VGLL4: variants seen among roughly 807,000 people sequenced by gnomAD.
VGLL4 encodes transcription cofactor vestigial-like protein 4.
In VGLL4, 7 loss-of-function variants were observed where a neutral mutation model predicts 21.0. The ratio of observed to expected loss-of-function variants is 0.33; its 90% confidence interval spans 0.19 to 0.63. The LOEUF (loss-of-function observed/expected upper bound fraction) is 0.63, where lower values mean the gene tolerates loss of function less well. Ranked by LOEUF, VGLL4 falls within the 20% of genes least tolerant of loss-of-function variation. The probability of loss-of-function intolerance (pLI) is 0.78; values close to 1 mark genes in which losing one functional copy is unlikely to be tolerated. For synonymous variants in VGLL4, 222 were observed against 173.2 expected (o/e 1.28, Z -2.21); for missense variants, 394 against 425.7 (o/e 0.93, Z 0.66).
intron 2 of VGLL4, among the ~76,000 whole-genome samples, chr3:11,660,030 T>C (rs1179498059): frequency 6.6e-6 from 1 of 151,890 alleles, no homozygotes; most frequent in African/African-American, 2.4e-5. Context: ...GGCGTGGTGG[T>C]GGGCACCTGT....
At chr3:11,570,880 C>A (rs1333694544) in intron 2 of VGLL4, among the ~76,000 whole-genome samples, 1 of 152,188 alleles carries the variant, frequency 6.6e-6, no homozygotes, top group African/African-American at 2.4e-5. Context: ...TGGCTTCTCT[C>A]CCCTTGTGAG....
intron 2 of VGLL4, among the ~76,000 whole-genome samples, chr3:11,580,356 T>C (rs2074190633): frequency 6.6e-6 from 1 of 152,236 alleles, no homozygotes; most frequent in Admixed American, 6.5e-5. Context: ...TAATATTCCA[T>C]TGTGTGTACA....
intron 2 of VGLL4, among the ~76,000 whole-genome samples, chr3:11,665,304 G>A (rs1420219445): frequency 1.3e-5 from 2 of 151,544 alleles, no homozygotes; most frequent in Non-Finnish European, 2.9e-5. Flanking sequence ...TAGTAGAGAC[G>A]GGGTTTCACC....
chr3:11,617,192 G>A (rs1337694630), intron 1 of VGLL4, among the ~76,000 whole-genome samples: 1 of 152,166 alleles, frequency 6.6e-6, no homozygotes, highest in Non-Finnish European at 1.5e-5. Flanking sequence ...TGGACACTTA[G>A]AAATGATGGG....
chr3:11,564,891 C>A lies in VGLL4; in HGVS notation c.401G>T (p.Gly134Val). 1 of 1,607,928 alleles carries A rather than the reference C, an allele frequency of 6.2e-7. No individual in the cohort carries two copies. Among genetic ancestry groups the A allele is most frequent in the Non-Finnish European group, 8.5e-7 (1 of 1,177,828 alleles). Residue 134 changes from glycine to valine, a missense_variant, in exon 3 of 5, where the codon GGC becomes GTC. Gly to Val is a moderately radical substitution (Grantham distance 109). Coordinates refer to ENST00000430365, the MANE Select transcript of VGLL4 (RefSeq NM_001128219.3). Reference sequence around the variant, plus strand: ...GGTCAGTGCGAGGGGCTGCTCCAGGCCAAGGCTGGGGAGGGAGGTGTACAG... The same window carrying A: ...GGTCAGTGCGAGGGGCTGCTCCAGGACAAGGCTGGGGAGGGAGGTGTACAG... ...SHLYTSLPSL[G>V]LEQPLALTKN...
chr3:11,602,114 A>C (rs2074819502), intron 1 of VGLL4, 92 bp from the exon 2 acceptor site: 1 of 1,262,698 alleles, frequency 7.9e-7, no homozygotes, highest in South Asian at 1.9e-5. Flanking sequence ...AGCCCCTTAC[A>C]AAACTACTCC....
In VGLL4 at chr3:11,556,086, A is replaced by ATTATTGTTCTTAAGGCTACTTTT. The variant is rs1231509217; in HGVS notation, c.*2447_*2469dup. On this transcript the variant is annotated 3_prime_UTR_variant, in exon 5 of 5. Transcript: ENST00000430365. Reference sequence around the variant, plus strand: ...ACACTATGTGGTTTAAGAGCACTTTATTATTGTTCTTAAGGCTACTTTTAA... The same window carrying ATTATTGTTCTTAAGGCTACTTTT: ...ACACTATGTGGTTTAAGAGCACTTTATTATTGTTCTTAAGGCTACTTTTTTATTGTTCTTAAGGCTACTTTTAA... 1.3e-5 allele frequency: 2 copies of ATTATTGTTCTTAAGGCTACTTTT among 152,664 alleles called. No individual in the cohort carries two copies. Among genetic ancestry groups the ATTATTGTTCTTAAGGCTACTTTT allele is most frequent in the African/African-American group, 4.8e-5 (2 of 41,414 alleles). 9.5% of individuals were successfully genotyped at this position (152,664 alleles called of 1,614,324 possible). A position where few individuals can be genotyped will look rare whatever the true frequency, so the allele number is the denominator to read the frequency against.
intron 1 of VGLL4, among the ~76,000 whole-genome samples, chr3:11,707,985 G>A (rs1201690152): frequency 6.6e-6 from 1 of 152,162 alleles, no homozygotes; most frequent in African/African-American, 2.4e-5. Context: ...ATTAGATGGA[G>A]GATCACACCA....
intron 1 of VGLL4, among the ~76,000 whole-genome samples, chr3:11,630,248 G>C (rs2075447025): frequency 6.6e-6 from 1 of 152,072 alleles, no homozygotes; most frequent in Non-Finnish European, 1.5e-5. Context: ...ATTCCAATAA[G>C]TAATGAATTA....
At chr3:11,640,138 T>C (rs2075661896) in intron 1 of VGLL4, among the ~76,000 whole-genome samples, 1 of 152,176 alleles carries the variant, frequency 6.6e-6, no homozygotes, top group Non-Finnish European at 1.5e-5. Flanking sequence ...AGTATTAAAT[T>C]ATACAGGAGC....
At chr3:11,678,004 G>A (rs1475685654) in intron 2 of VGLL4, among the ~76,000 whole-genome samples, 3 of 151,770 alleles carry the variant, frequency 2.0e-5, no homozygotes, top group Non-Finnish European at 2.9e-5. Flanking sequence ...TAGCTTCAAC[G>A]GACGCCATCA....
At chr3:11,618,849 G>A (rs2075212715) in intron 1 of VGLL4, among the ~76,000 whole-genome samples, 1 of 152,114 alleles carries the variant, frequency 6.6e-6, no homozygotes, top group Non-Finnish European at 1.5e-5. Context: ...TAAAATATTG[G>A]GGGATGGGGA....
At chr3:11,691,815 G>A (rs183068679) in intron 2 of VGLL4, among the ~76,000 whole-genome samples, 10 of 152,166 alleles carry the variant, frequency 6.6e-5, no homozygotes, top group South Asian at 2.1e-4. Context: ...CACATTTTAG[G>A]AGGGGCACTG....
At chr3:11,633,860 AAAGT>A (rs1373079950) in intron 1 of VGLL4, among the ~76,000 whole-genome samples, 1 of 152,202 alleles carries the variant, frequency 6.6e-6, no homozygotes, top group Non-Finnish European at 1.5e-5. Flanking sequence ...GCGAACATGG[AAAGT>A]AAGGCTGAAG....
chr3:11,683,815 T>C (rs2076409168), intron 2 of VGLL4, among the ~76,000 whole-genome samples: 1 of 151,772 alleles, frequency 6.6e-6, no homozygotes, highest in African/African-American at 2.4e-5. Flanking sequence ...CTTGTAAAAA[T>C]AACTCAACTC....
chr3:11,566,886 C>T (rs1239721286), intron 2 of VGLL4, among the ~76,000 whole-genome samples: 6 of 152,182 alleles, frequency 3.9e-5, no homozygotes, highest in Admixed American at 6.5e-5. Flanking sequence ...AGAGACTTAA[C>T]GGGTGAATGA....
At chr3:11,685,789 C>T (rs1018573791) in intron 2 of VGLL4, among the ~76,000 whole-genome samples, 2 of 152,000 alleles carry the variant, frequency 1.3e-5, no homozygotes, top group Middle Eastern at 3.4e-3. Context: ...GAGGTCAAGG[C>T]GGTGGTGAGC....
At chr3:11,639,178 C>G (rs2075641718) in intron 1 of VGLL4, among the ~76,000 whole-genome samples, 1 of 152,240 alleles carries the variant, frequency 6.6e-6, no homozygotes, top group Non-Finnish European at 1.5e-5. Flanking sequence ...GGGCTCAGAC[C>G]CAGGTCTCAG....
At chr3:11,704,553 G>A (rs765103974) in intron 1 of VGLL4, among the ~76,000 whole-genome samples, 20 of 150,662 alleles carry the variant, frequency 1.3e-4, no homozygotes, top group Non-Finnish European at 1.9e-4. Context: ...CAATCTGCAC[G>A]GGAGGCAGGC....
Sources: allele counts gnomAD v4.1 joint callset (sites outside exome capture counted in the v4.1 genomes callset), GRCh38; gene constraint gnomAD v4.1.1; transcripts MANE v1.5; gene names NCBI Gene and HGNC (gene_info 2026-07-23, HGNC 2026-07-21).